MACROD2: variants seen among roughly 807,000 people sequenced by gnomAD.
The protein encoded by MACROD2 is mono-ADP ribosylhydrolase 2, also known as ADP-ribose glycohydrolase MACROD2.
In MACROD2, 36 loss-of-function variants were observed where a neutral mutation model predicts 70.4. The observed-to-expected ratio is 0.51, with a 90% CI of 0.39 to 0.68. The LOEUF (loss-of-function observed/expected upper bound fraction) is 0.68, where lower values mean the gene tolerates loss of function less well. Among genes scored for constraint, MACROD2 ranks in the 30% least tolerant of loss-of-function variants. MACROD2 has a pLI of 0.00. For synonymous variants in MACROD2, 172 were observed against 178.8 expected, an observed-to-expected ratio of 0.96 and a Z score of 0.30; for missense variants, 496 against 538.4, an observed-to-expected ratio of 0.92 and a Z score of 0.78.
chr20:14,897,747 A>T (rs1002806613), intron 5 of MACROD2, among the ~76,000 whole-genome samples: 5 of 152,204 alleles, frequency 3.3e-5, no homozygotes, highest in Non-Finnish European at 7.3e-5. Context: ...ACTAGGTGGC[A>T]TATAAAAAAC....
rs116957422 is a variant in MACROD2 at position 14,880,020 on chromosome 20, C to T, written c.418+195061C>T. The stretch of plus-strand genomic sequence containing the variant: ...AGCCTCGTGAGAGCAGAGTATGCAT[C>T]GTGCTTTCGTTTTGGATGAGAAATA... On this transcript the variant is annotated intron_variant, in intron 5 of 17. Coordinates refer to ENST00000684519, the MANE Select transcript of MACROD2 (RefSeq NM_001351661.2). 7.7e-3 allele frequency among the ~76,000 whole-genome samples: 1,165 copies of T among 152,228 alleles called. 7 individuals are homozygous for T. Among genetic ancestry groups the T allele is most frequent in the Non-Finnish European group, 0.011 (757 of 68,018 alleles).
intron 8 of MACROD2, among the ~76,000 whole-genome samples, chr20:15,858,129 ATC>A: frequency 6.6e-6 from 1 of 151,596 alleles, no homozygotes; most frequent in South Asian, 2.1e-4. Flanking sequence ...GAAAAAAAAA[ATC>A]ACTCGATTCC....
chr20:16,023,316 A>G (rs2067029385), intron 15 of MACROD2, among the ~76,000 whole-genome samples: 1 of 151,930 alleles, frequency 6.6e-6, no homozygotes, highest in Admixed American at 6.6e-5. Flanking sequence ...TCTACTAAAA[A>G]TACAAAAAAT....
At position 15,604,540 on chromosome 20, in the gene MACROD2, G is replaced by A. The variant is rs191588061; in HGVS notation, c.645+104693G>A. Among the ~76,000 whole-genome samples, 16 of 152,284 alleles carry A rather than the reference G, an allele frequency of 1.1e-4. No individual in the cohort carries two copies. The East Asian group carries it at 2.7e-3, about 26-fold the overall frequency. On this transcript the variant is annotated intron_variant, in intron 8 of 17. Coordinates refer to ENST00000684519, the MANE Select transcript of MACROD2 (RefSeq NM_001351661.2). ...ACCAGTGGACAAGAGGACCAAATGG[G>A]ACGTGCCCAGCTGTAGGCTCAACCA...
At chr20:16,049,516 G>A (rs192819930) in intron 17 of MACROD2, among the ~76,000 whole-genome samples, 1 of 152,262 alleles carries the variant, frequency 6.6e-6, no homozygotes, top group Non-Finnish European at 1.5e-5. Flanking sequence ...GGCCTGAAAA[G>A]GGAAGCCACA....
At chr20:15,430,974 AAG>A (rs1366209356) in intron 6 of MACROD2, among the ~76,000 whole-genome samples, 2 of 152,132 alleles carry the variant, frequency 1.3e-5, no homozygotes, top group East Asian at 3.9e-4. Flanking sequence ...TGGAGCTGGA[AAG>A]AGAGACTTGT....
At chr20:14,001,347 A>C (rs982855645) in intron 1 of MACROD2, among the ~76,000 whole-genome samples, 1 of 152,170 alleles carries the variant, frequency 6.6e-6, no homozygotes, top group African/African-American at 2.4e-5. Context: ...CTCTAATTCT[A>C]AGATGCAATT....
At position 15,047,457 on chromosome 20, in the gene MACROD2, T is replaced by C. The variant is rs6043074; in HGVS notation, c.419-182483T>C. ...AGGACACTTATGGAATTATATAAGA[T>C]AAAAATTAGTATGATACACCCATAT... On this transcript the variant is annotated intron_variant, in intron 5 of 17. Coordinates refer to ENST00000684519, the MANE Select transcript of MACROD2 (RefSeq NM_001351661.2). Among the ~76,000 whole-genome samples the C allele has an allele frequency of 5.6e-3, 850 of 152,352 alleles. 4 individuals carry two copies. The highest frequency in any genetic ancestry group is 0.016 in the African/African-American group (681 of 41,584).
At chr20:15,329,608 A>C (rs2077970235) in intron 6 of MACROD2, among the ~76,000 whole-genome samples, 1 of 152,066 alleles carries the variant, frequency 6.6e-6, no homozygotes, top group Non-Finnish European at 1.5e-5. Context: ...AAATAAAAGT[A>C]ATATCAAAAA....
At chr20:14,137,356 G>C (rs952031924) in intron 3 of MACROD2, among the ~76,000 whole-genome samples, 13 of 152,176 alleles carry the variant, frequency 8.5e-5, no homozygotes, top group Non-Finnish European at 1.5e-4. Context: ...TTAAATGGAA[G>C]TGCAGCATTA....
At chr20:15,028,615 G>A (rs1261437898) in intron 5 of MACROD2, among the ~76,000 whole-genome samples, 1 of 152,096 alleles carries the variant, frequency 6.6e-6, no homozygotes, top group Non-Finnish European at 1.5e-5. Context: ...ACAGGGATAT[G>A]GAAGTTTGTT....
chr20:15,490,193 T>TCCTC (rs2146472161), intron 7 of MACROD2, among the ~76,000 whole-genome samples: 2 of 145,476 alleles, frequency 1.4e-5, no homozygotes, highest in East Asian at 4.3e-4. Flanking sequence ...CTTCCTTTCT[T>TCCTC]CCTCCCTCCC....
At position 14,930,821 on chromosome 20, in the gene MACROD2, T is replaced by C. The variant is rs117578260; in HGVS notation, c.418+245862T>C. ...TCTCCTGTTCCCATGTTTTCATTCA[T>C]TTTTTAAGTAATTTTTTTTTAATTA... On this transcript the variant is annotated intron_variant, in intron 5 of 17. Transcript: ENST00000684519. Among the ~76,000 whole-genome samples, 630 of 146,746 alleles carry C rather than the reference T, an allele frequency of 4.3e-3. 11 individuals are homozygous for C. The highest frequency in any genetic ancestry group is 0.036 in the East Asian group (177 of 4,944).
intron 3 of MACROD2, among the ~76,000 whole-genome samples, chr20:14,186,661 G>A (rs2081346788): frequency 6.6e-6 from 1 of 152,114 alleles, no homozygotes; most frequent in South Asian, 2.1e-4. Flanking sequence ...GTTCATTGCA[G>A]CACTATTACA....
At chr20:14,818,487 C>T (rs1017164772) in intron 5 of MACROD2, among the ~76,000 whole-genome samples, 1 of 151,804 alleles carries the variant, frequency 6.6e-6, no homozygotes, top group African/African-American at 2.4e-5. Flanking sequence ...TTTTTCTATT[C>T]GGGGTATTTT....
At chr20:15,107,335 G>A (rs1040579810) in intron 5 of MACROD2, among the ~76,000 whole-genome samples, 1 of 151,794 alleles carries the variant, frequency 6.6e-6, no homozygotes, top group African/African-American at 2.4e-5. Flanking sequence ...GTTCTAGGAA[G>A]CTGAGCTGAC....
intron 5 of MACROD2, among the ~76,000 whole-genome samples, chr20:14,730,689 GA>G (rs2071584992): frequency 6.6e-6 from 1 of 152,008 alleles, no homozygotes; most frequent in Admixed American, 6.6e-5. Context: ...AGCGAGAAAA[GA>G]AATTCATACA....
chr20:14,643,537 G>C (rs941132913), intron 4 of MACROD2, among the ~76,000 whole-genome samples: 2 of 152,114 alleles, frequency 1.3e-5, no homozygotes, highest in African/African-American at 4.8e-5. Flanking sequence ...ATGAGCTCTA[G>C]GAGCATTCAC....
chr20:15,938,873 A>T (rs906969043), intron 12 of MACROD2, among the ~76,000 whole-genome samples: 2 of 152,220 alleles, frequency 1.3e-5, no homozygotes, highest in Non-Finnish European at 2.9e-5. Context: ...CACATGAATG[A>T]TAAGAAACTG....
Sources: gnomAD v4.1 joint callset for allele counts (sites outside exome capture counted in the v4.1 genomes callset) on GRCh38, gnomAD v4.1.1 for gene constraint, MANE v1.5 for transcripts, NCBI Gene and HGNC (gene_info 2026-07-23, HGNC 2026-07-21) for gene names.